The following IMMP2L variants were observed in gnomAD, a reference collection of about 807,000 sequenced individuals.
IMMP2L encodes mitochondrial inner membrane protease subunit 2.
In IMMP2L, 18 loss-of-function variants were observed where a neutral mutation model predicts 19.3. That is an observed-to-expected ratio of 0.93 (90% CI 0.64 to 1.38). IMMP2L has a LOEUF of 1.38. IMMP2L is among the 40% of genes most tolerant of loss of function. The pLI, the probability that IMMP2L is intolerant of heterozygous loss-of-function variation, is 0.00. For missense variants in IMMP2L, 233 were observed against 218.2 expected (o/e 1.07, Z -0.43); for synonymous variants, 76 against 73.0 (o/e 1.04, Z -0.21).
intron 5 of IMMP2L, among the ~76,000 whole-genome samples, chr7:110,784,444 T>G (rs895828831): frequency 6.6e-6 from 1 of 152,090 alleles, no homozygotes. Flanking sequence ...TGATTCCATC[T>G]TCATCTACCA....
chr7:110,679,580 C>T (rs1239848233), intron 5 of IMMP2L, among the ~76,000 whole-genome samples: 1 of 151,968 alleles, frequency 6.6e-6, no homozygotes, highest in Non-Finnish European at 1.5e-5. Context: ...GACTAGATTG[C>T]CATTGGTTAA....
chr7:111,460,451 C>A (rs2132000522), intron 3 of IMMP2L, among the ~76,000 whole-genome samples: 1 of 151,944 alleles, frequency 6.6e-6, no homozygotes, highest in South Asian at 2.1e-4. Flanking sequence ...AAAGAAAGAA[C>A]AAAAGAGTCA....
At chr7:111,089,981 A>G (rs1472336738) in intron 3 of IMMP2L, among the ~76,000 whole-genome samples, 1 of 151,944 alleles carries the variant, frequency 6.6e-6, no homozygotes, top group Non-Finnish European at 1.5e-5. Flanking sequence ...AGTAAATCTA[A>G]TAAGTGCCAT....
Position 111,019,746 on chromosome 7 carries a change from C to T in IMMP2L, c.240-56181G>A, listed in dbSNP as rs142749438. On this transcript the variant is annotated intron_variant, in intron 3 of 5. Coordinates refer to ENST00000405709, the MANE Select transcript of IMMP2L (RefSeq NM_032549.4). ...CTAATGCCAGTGCCTTTGGAAAGGA[C>T]CCACTACCAGGGGTTCTGGAGGCTG... Among the ~76,000 whole-genome samples, 664 of 152,222 alleles carry T rather than the reference C, an allele frequency of 4.4e-3. 6 individuals carry two copies. Among genetic ancestry groups the T allele is most frequent in the African/African-American group, 0.016 (644 of 41,518 alleles).
At chr7:111,188,112 G>GAGC (rs1392091178) in intron 3 of IMMP2L, among the ~76,000 whole-genome samples, 8 of 152,070 alleles carry the variant, frequency 5.3e-5, no homozygotes, top group Non-Finnish European at 8.8e-5. Context: ...TAGCTTGCCA[G>GAGC]TCTACCGCTC....
At chr7:111,084,451 T>C (rs1283154936) in intron 3 of IMMP2L, among the ~76,000 whole-genome samples, 1 of 151,794 alleles carries the variant, frequency 6.6e-6, no homozygotes, top group East Asian at 1.9e-4. Context: ...GATTGATAGG[T>C]AGAAAGATAG....
intron 1 of IMMP2L, chr7:111,532,442 C>T (rs1174872717): frequency 6.6e-6 from 1 of 152,054 alleles, no homozygotes; most frequent in Non-Finnish European, 1.5e-5. Flanking sequence ...ACTCTTCATG[C>T]CTCAAATATA....
At chr7:110,676,063 A>G (rs1055476376) in intron 5 of IMMP2L, among the ~76,000 whole-genome samples, 2 of 152,084 alleles carry the variant, frequency 1.3e-5, no homozygotes, top group African/African-American at 4.8e-5. Context: ...AGAATTACTA[A>G]GTAACATGAT....
At chr7:111,535,438 T>C (rs1398285659) in intron 1 of IMMP2L, among the ~76,000 whole-genome samples, 2 of 152,096 alleles carry the variant, frequency 1.3e-5, no homozygotes, top group Non-Finnish European at 2.9e-5. Flanking sequence ...CAAAACAATC[T>C]CATTAATATT....
chr7:111,250,947 T>C (rs1001006927), intron 3 of IMMP2L, among the ~76,000 whole-genome samples: 1 of 152,142 alleles, frequency 6.6e-6, no homozygotes, highest in African/African-American at 2.4e-5. Flanking sequence ...CAAAAGAAAC[T>C]ATTATCAGAC....
intron 5 of IMMP2L, among the ~76,000 whole-genome samples, chr7:110,800,115 G>C (rs1336716671): frequency 6.6e-6 from 1 of 152,060 alleles, no homozygotes; most frequent in African/African-American, 2.4e-5. Context: ...AAGAAGAATT[G>C]ATAGCTTTTT....
At chr7:111,217,158 AC>A (rs1213948102) in intron 3 of IMMP2L, among the ~76,000 whole-genome samples, 1 of 151,084 alleles carries the variant, frequency 6.6e-6, no homozygotes, top group Non-Finnish European at 1.5e-5. Context: ...ACACACACAC[AC>A]AATATGCAGT....
At chr7:111,398,484 A>G (rs564228691) in intron 3 of IMMP2L, among the ~76,000 whole-genome samples, 1 of 152,262 alleles carries the variant, frequency 6.6e-6, no homozygotes, top group African/African-American at 2.4e-5. Flanking sequence ...TCAATGTAAT[A>G]AAAGCCATTT....
chr7:111,239,767 G>GA (rs534990304), intron 3 of IMMP2L, among the ~76,000 whole-genome samples: 1 of 151,910 alleles, frequency 6.6e-6, no homozygotes, highest in South Asian at 2.1e-4. Flanking sequence ...AATGTAGGGG[G>GA]AAAAATGAGC....
At chr7:111,318,656 C>A (rs1315521289) in intron 3 of IMMP2L, among the ~76,000 whole-genome samples, 6 of 151,968 alleles carry the variant, frequency 3.9e-5, no homozygotes, top group Non-Finnish European at 5.9e-5. Context: ...CAAATGATAT[C>A]CTAGAAGACA....
chr7:111,146,562 G>A (rs1349434596), intron 3 of IMMP2L, among the ~76,000 whole-genome samples: 1 of 151,962 alleles, frequency 6.6e-6, no homozygotes, highest in Non-Finnish European at 1.5e-5. Context: ...CAGCAGCCTA[G>A]GCAGAGTTAA....
intron 5 of IMMP2L, among the ~76,000 whole-genome samples, chr7:110,801,870 T>C (rs559415031): frequency 3.3e-5 from 5 of 152,176 alleles, no homozygotes; most frequent in African/African-American, 1.2e-4. Context: ...ATTATTGCCT[T>C]GTATGCCTAT....
intron 3 of IMMP2L, among the ~76,000 whole-genome samples, chr7:111,019,451 C>G (rs1826055522): frequency 6.6e-6 from 1 of 152,074 alleles, no homozygotes; most frequent in Non-Finnish European, 1.5e-5. Flanking sequence ...CACAACCCCA[C>G]CCTCCTGGGA....
At chr7:111,008,236 T>C (rs913164239) in intron 3 of IMMP2L, among the ~76,000 whole-genome samples, 1 of 152,072 alleles carries the variant, frequency 6.6e-6, no homozygotes, top group Non-Finnish European at 1.5e-5. Context: ...TGTAAGACCC[T>C]ACATACTATG....
Sources: gnomAD v4.1 joint callset for allele counts (sites outside exome capture counted in the v4.1 genomes callset) on GRCh38, gnomAD v4.1.1 for gene constraint, MANE v1.5 for transcripts, NCBI Gene and HGNC (gene_info 2026-07-23, HGNC 2026-07-21) for gene names.